THOC6: variants seen among roughly 807,000 people sequenced by gnomAD.
THOC6 encodes THO complex 6.
In THOC6, 39 loss-of-function variants were observed where a neutral mutation model predicts 55.8. The observed-to-expected ratio is 0.70, with a 90% CI of 0.54 to 0.91. THOC6 has a LOEUF of 0.91. Among genes scored for constraint, THOC6 ranks in the 40% least tolerant of loss-of-function variants. The pLI, the probability that THOC6 is intolerant of heterozygous loss-of-function variation, is 0.00. For synonymous variants in THOC6, 192 were observed against 175.6 expected, an observed-to-expected ratio of 1.09 and a Z score of -0.74; for missense variants, 482 against 442.0, an observed-to-expected ratio of 1.09 and a Z score of -0.81.
rs1480965213 is a variant in THOC6, at chr16:3,027,150, A to G, written c.700-20A>G. 4.3e-6 allele frequency: 7 copies of G among 1,613,128 alleles called. No homozygotes were observed. The highest frequency in any genetic ancestry group is 5.1e-6 in the Non-Finnish European group (6 of 1,179,760). On this transcript the variant is annotated intron_variant, in intron 10 of 12. Coordinates refer to ENST00000326266, the MANE Select transcript of THOC6 (RefSeq NM_024339.5). ...GTGGGCCTGTGGTTCACAGCTGGGG[A>G]CTCCCACCTTTCTGTCCAGGTCTGT...
chr16:3,024,276 C>T lies in THOC6; in HGVS notation c.-51C>T, dbSNP rs892962729. 9 of 1,613,286 alleles carry T rather than the reference C, an allele frequency of 5.6e-6. No individual in the cohort carries two copies. In the Admixed American group the frequency reaches 8.3e-5, roughly 15 times the overall value. On this transcript the variant is annotated 5_prime_UTR_variant, in exon 1 of 13. Coordinates refer to ENST00000326266, the MANE Select transcript of THOC6 (RefSeq NM_024339.5). ...AGGAACCGCTCTAGGCACGTAAGGC[C>T]TCGTGAGGTTGCGTCGCGCGCGGAG...
chr16:3,026,869 C>G lies in THOC6; in HGVS notation c.589C>G (p.Leu197Val), dbSNP rs758811423. The G allele has an allele frequency of 1.9e-6, 3 of 1,614,076 alleles. No homozygotes were observed. The highest frequency in any genetic ancestry group is 1.3e-5 in the African/African-American group (1 of 74,914). Residue 197 changes from leucine to valine, a missense_variant and splice_region_variant, in exon 9 of 13, where the codon CTG (leucine) becomes GTG (valine). Leu to Val is a conservative substitution (Grantham distance 32, BLOSUM62 1). Coordinates refer to ENST00000326266, the MANE Select transcript of THOC6 (RefSeq NM_024339.5). ...CACTCACAGTTCTTTCCCCGCAGAC[C>G]TGCGCACAGCCAAGGAGGTCCAGAC... ...GEDGAVRLWD[L>V]RTAKEVQTIE...
chr16:3,026,956 A>G (rs768682789), intron 9 of THOC6, 40 bp downstream of exon 9: 6 of 1,611,982 alleles, frequency 3.7e-6, no homozygotes, highest in Non-Finnish European at 5.1e-6. Flanking sequence ...TTCTCCCCCA[A>G]CTCCTTGAAT....
At position 3,024,119 on chromosome 16, in the gene THOC6, C is replaced by G; in HGVS notation, c.-208C>G. The stretch of plus-strand genomic sequence containing the variant: ...TGCTCCTCGGGGTGGGGGAGGGTAT[C>G]CGGCTTAAGGGGGCTGCGGTGGACA... On this transcript the variant is annotated 5_prime_UTR_variant, in exon 1 of 13. The change creates a new upstream start codon in the 5' untranslated region. Coordinates refer to ENST00000326266, the MANE Select transcript of THOC6 (RefSeq NM_024339.5). The G allele has an allele frequency of 1.4e-6, 1 of 714,376 alleles. No homozygotes were observed. The highest frequency in any genetic ancestry group is 2.3e-6 in the Non-Finnish European group (1 of 434,508). 44.3% of individuals were successfully genotyped at this position (714,376 alleles called of 1,614,324 possible).
At position 3,026,839 on chromosome 16, in the gene THOC6, G is replaced by C; in HGVS notation, c.587-28G>C. 2 of 1,614,156 alleles carry C rather than the reference G, an allele frequency of 1.2e-6. 1 individual carries two copies. The highest frequency in any genetic ancestry group is 2.2e-5 in the South Asian group (2 of 91,076). On this transcript the variant is annotated intron_variant, in intron 8 of 12. Transcript: ENST00000326266. ...CAGTGAAGGAGGCTGAGGCAAGTGG[G>C]GCACCACTCACAGTTCTTTCCCCGC...
At position 3,025,695 on chromosome 16, in the gene THOC6, T is replaced by G. The variant is rs2072768269; in HGVS notation, c.40-13T>G. 1 of 1,612,114 alleles carries G rather than the reference T, an allele frequency of 6.2e-7. No homozygotes were observed. Among genetic ancestry groups the G allele is most frequent in the Non-Finnish European group, 8.5e-7 (1 of 1,178,282 alleles). ...TACGTCCCAGGCAGGCCTCATCCAG[T>G]CTTTCCCTGCAGACAGAGGTGTTCC... On this transcript the variant is annotated splice_polypyrimidine_tract_variant and intron_variant, in intron 1 of 12. Transcript: ENST00000326266.
In THOC6 at chr16:3,024,221, TCG is replaced by T; in HGVS notation, c.-102_-101del. 1 of 1,456,762 alleles carries T rather than the reference TCG, an allele frequency of 6.9e-7. No individual in the cohort carries two copies. The highest frequency in any genetic ancestry group is 2.3e-5 in the East Asian group (1 of 42,758). The allele number at this position is 1,456,762 out of a possible 1,614,324, so 90.2% of individuals were successfully genotyped here. On this transcript the variant is annotated 5_prime_UTR_variant, in exon 1 of 13. An upstream open reading frame in the 5' UTR loses its in-frame stop. Coordinates refer to ENST00000326266, the MANE Select transcript of THOC6 (RefSeq NM_024339.5). ...TCGGGACGGTACGCACCAGCCACCT[TCG>T]CGCCGAAGGCGGTAGGGCGCCACGG...
chr16:3,027,693 G>C lies in THOC6; in HGVS notation c.*36G>C, dbSNP rs777506455. The C allele has an allele frequency of 1.3e-6, 2 of 1,535,638 alleles. No individual in the cohort carries two copies. Among genetic ancestry groups the C allele is most frequent in the Non-Finnish European group, 1.8e-6 (2 of 1,136,686 alleles). ...CACCCCCAGCCAGCTCAGGGTTTTA[G>C]AGTGTTTTTCATTTTCTTTTTTTTT... On this transcript the variant is annotated 3_prime_UTR_variant, in exon 13 of 13. Transcript: ENST00000326266.
chr16:3,024,411 C>T (rs770027721), intron 1 of THOC6, 46 bp downstream of exon 1: 11 of 1,612,134 alleles, frequency 6.8e-6, no homozygotes, highest in Admixed American at 3.3e-5. Context: ...TTGTAGTTCA[C>T]GCATGGCTGG....
Position 3,024,348 on chromosome 16 carries a change from G to A in THOC6, c.22G>A (p.Ala8Thr), listed in dbSNP as rs763408810. 3.1e-6 allele frequency: 5 copies of A among 1,614,190 alleles called. No individual in the cohort carries two copies. Among genetic ancestry groups the A allele is most frequent in the Non-Finnish European group, 4.2e-6 (5 of 1,180,024 alleles). MERAVPL[A>T]VPLGQTEVFQ... ...GGAGATGGAGCGAGCTGTGCCGCTCGCGGTGCCTCTGGGTCAGGTGAGACG... is the reference window on the plus strand; with the variant it reads ...GGAGATGGAGCGAGCTGTGCCGCTCACGGTGCCTCTGGGTCAGGTGAGACG... The change falls in exon 1 of 13, where the codon GCG becomes ACG. Residue 8 changes from alanine (A) to threonine (T), a missense_variant. Coordinates refer to ENST00000326266, the MANE Select transcript of THOC6 (RefSeq NM_024339.5).
chr16:3,024,334 G>C lies in THOC6; in HGVS notation c.8G>C (p.Arg3Pro), dbSNP rs1377577602. 1 of 1,614,176 alleles carries C rather than the reference G, an allele frequency of 6.2e-7. No individual in the cohort carries two copies. The highest frequency in any genetic ancestry group is 8.5e-7 in the Non-Finnish European group (1 of 1,180,012). ME[R>P]AVPLAVPLGQ... ...GGACTTGTAGTTCTGGAGATGGAGC[G>C]AGCTGTGCCGCTCGCGGTGCCTCTG... The change falls in exon 1 of 13, where the codon CGA becomes CCA. Residue 3 changes from arginine to proline, a missense_variant. By Grantham distance (103) the Arg-to-Pro change is moderately radical. Transcript: ENST00000326266.
Position 3,026,096 on chromosome 16 carries a change from C to A in THOC6, c.254C>A (p.Thr85Asn). The stretch of plus-strand genomic sequence containing the variant: ...GGGCCCGTCTATAGCATGGTTTCCA[C>A]CGATCGACATCTGCTTAGTGCTGGG... ...HDGPVYSMVS[T>N]DRHLLSAGDG... Residue 85 changes from threonine to asparagine, a missense_variant, in exon 4 of 13, where the codon ACC (threonine) becomes AAC (asparagine). Transcript: ENST00000326266. 6.2e-7 allele frequency: 1 copy of A among 1,609,474 alleles called. No homozygotes were observed. Among genetic ancestry groups the A allele is most frequent in the Middle Eastern group, 1.7e-4 (1 of 6,048 alleles).
At chr16:3,026,316 G>A (rs1160454818) in intron 5 of THOC6, 28 bp downstream of exon 5, 1 of 1,613,936 alleles carries the variant, frequency 6.2e-7, no homozygotes, top group African/African-American at 1.3e-5. Flanking sequence ...GATAGAGGGT[G>A]CATCAGGGTG....
In THOC6 at chr16:3,024,300, A is replaced by C; in HGVS notation, c.-27A>C. 1.2e-6 allele frequency: 2 copies of C among 1,613,842 alleles called. No individual in the cohort carries two copies. The highest frequency in any genetic ancestry group is 1.7e-6 in the Non-Finnish European group (2 of 1,179,940). On this transcript the variant is annotated 5_prime_UTR_variant, in exon 1 of 13. Transcript: ENST00000326266. Reference sequence around the variant, plus strand: ...CCTCGTGAGGTTGCGTCGCGCGCGGAGCACTCTGGGACTTGTAGTTCTGGA... The same window carrying C: ...CCTCGTGAGGTTGCGTCGCGCGCGGCGCACTCTGGGACTTGTAGTTCTGGA...
intron 9 of THOC6, 22 bp from the exon 10 acceptor site, chr16:3,026,989 C>T (rs755483049): frequency 6.2e-7 from 1 of 1,614,208 alleles, no homozygotes; most frequent in Non-Finnish European, 8.5e-7. Context: ...CACCTCTTTC[C>T]CTCCTCCCCT....
In THOC6 at chr16:3,026,791, T is replaced by C; in HGVS notation, c.586+10T>C. On this transcript the variant is annotated intron_variant, in intron 8 of 12. Transcript: ENST00000326266. ...GCTGTTCGACTTTGGGGTAAGCAGG[T>C]GGCTGGTTGGAGGGCAAGATGGCAG... 1 of 1,613,836 alleles carries C rather than the reference T, an allele frequency of 6.2e-7. No homozygotes were observed. The highest frequency in any genetic ancestry group is 1.7e-4 in the Middle Eastern group (1 of 6,060).
Position 3,024,324 on chromosome 16 carries a change from G to T in THOC6, c.-3G>T, listed in dbSNP as rs1176386670. On this transcript the variant is annotated 5_prime_UTR_variant, in exon 1 of 13. Transcript: ENST00000326266. ...GAGCACTCTGGGACTTGTAGTTCTGGAGATGGAGCGAGCTGTGCCGCTCGC... is the reference window on the plus strand; with the variant it reads ...GAGCACTCTGGGACTTGTAGTTCTGTAGATGGAGCGAGCTGTGCCGCTCGC... The T allele has an allele frequency of 1.2e-6, 2 of 1,614,160 alleles. No individual in the cohort carries two copies. Among genetic ancestry groups the T allele is most frequent in the Non-Finnish European group, 1.7e-6 (2 of 1,180,004 alleles).
In THOC6 at chr16:3,026,886, G is replaced by A. The variant is rs1303482603; in HGVS notation, c.606G>A (p.Glu202=). ...CCGCAGACCTGCGCACAGCCAAGGA[G>A]GTCCAGACGATCGAGGTCTATAAGC... ...VRLWDLRTAK[E]VQTIEVYKHE... Residue 202 remains glutamate, a synonymous_variant, in exon 9 of 13, where the codon GAG becomes GAA. Coordinates refer to ENST00000326266, the MANE Select transcript of THOC6 (RefSeq NM_024339.5). 5 of 1,614,202 alleles carry A rather than the reference G, an allele frequency of 3.1e-6. No individual in the cohort carries two copies. Among genetic ancestry groups the A allele is most frequent in the Non-Finnish European group, 3.4e-6 (4 of 1,180,036 alleles).
chr16:3,026,634 G>T, intron 7 of THOC6, 45 bp from the exon 8 acceptor site: 1 of 1,611,202 alleles, frequency 6.2e-7, no homozygotes, highest in Non-Finnish European at 8.5e-7. Flanking sequence ...TCAGGGAGAG[G>T]CACTCTTCCT....
Sources: gnomAD v4.1 joint callset for allele counts on GRCh38, gnomAD v4.1.1 for gene constraint, MANE v1.5 for transcripts, NCBI Gene and HGNC (gene_info 2026-07-23, HGNC 2026-07-21) for gene names.